ABCB1: variants seen among roughly 807,000 people sequenced by gnomAD.
ABCB1 encodes ATP binding cassette subfamily B member 1, also known as ATP-dependent translocase ABCB1.
In ABCB1, 69 loss-of-function variants were observed where a neutral mutation model predicts 142.0. The observed-to-expected ratio is 0.49, with a 90% CI of 0.40 to 0.59. The LOEUF (loss-of-function observed/expected upper bound fraction) is 0.59, where lower values mean the gene tolerates loss of function less well. Among genes scored for constraint, ABCB1 ranks in the 20% least tolerant of loss-of-function variants. The pLI, the probability that ABCB1 is intolerant of heterozygous loss-of-function variation, is 0.00. For missense variants in ABCB1, 1,326 were observed against 1,554.7 expected (o/e 0.85, Z 2.47); for synonymous variants, 532 against 539.2 (o/e 0.99, Z 0.18).
intron 1 of ABCB1, among the ~76,000 whole-genome samples, chr7:87,646,931 A>G (rs1469621691): frequency 6.6e-6 from 1 of 152,204 alleles, no homozygotes; most frequent in East Asian, 1.9e-4. Context: ...GTTACTTCCT[A>G]TATGTTATTT....
At chr7:87,528,098 T>A (rs984501275) in intron 21 of ABCB1, among the ~76,000 whole-genome samples, 11 of 152,222 alleles carry the variant, frequency 7.2e-5, no homozygotes, top group African/African-American at 2.4e-4. Context: ...ATCATGAGAA[T>A]AGCATGGGAA....
At chr7:87,546,589 T>A (rs1816794899) in intron 14 of ABCB1, among the ~76,000 whole-genome samples, 1 of 130,342 alleles carries the variant, frequency 7.7e-6, no homozygotes, top group African/African-American at 2.8e-5. Context: ...AAAATAATAA[T>A]AATCAGGGGC....
intron 26 of ABCB1, among the ~76,000 whole-genome samples, chr7:87,507,333 C>T (rs540749328): frequency 1.3e-5 from 2 of 152,186 alleles, no homozygotes; most frequent in East Asian, 1.9e-4. Context: ...TTTTATTAAC[C>T]CCTAGCCCAG....
intron 1 of ABCB1, among the ~76,000 whole-genome samples, chr7:87,628,123 G>C (rs181485665): frequency 6.9e-4 from 105 of 151,734 alleles, no homozygotes; most frequent in Admixed American, 1.3e-3. Context: ...CTACAGGCAA[G>C]GGGGGGGCAA....
chr7:87,703,199 C>T (rs1829249087), intron 1 of ABCB1, among the ~76,000 whole-genome samples: 1 of 152,106 alleles, frequency 6.6e-6, no homozygotes, highest in East Asian at 1.9e-4. Context: ...TAACAATTAT[C>T]TTTCCAAATT....
At chr7:87,652,551 G>A (rs757792135) in intron 1 of ABCB1, among the ~76,000 whole-genome samples, 4 of 150,294 alleles carry the variant, frequency 2.7e-5, no homozygotes, top group Non-Finnish European at 4.4e-5. Flanking sequence ...GATACAGTAC[G>A]AATTGTGTTA....
chr7:87,564,514 C>T (rs866542777), intron 7 of ABCB1, among the ~76,000 whole-genome samples: 1 of 152,248 alleles, frequency 6.6e-6, no homozygotes, highest in Middle Eastern at 3.4e-3. Context: ...AAAGAGGCTT[C>T]CTGGGCCAGG....
At position 87,541,348 on chromosome 7, in the gene ABCB1, A is replaced by T; in HGVS notation, c.2319+9T>A. On this transcript the variant is annotated intron_variant, in intron 18 of 27. Transcript: ENST00000622132. ...TCAAAATGAATATAGTGAAAATGGAAACATTTACCTGAAGGAAAAATGTAA... is the reference window on the plus strand; with the variant it reads ...TCAAAATGAATATAGTGAAAATGGATACATTTACCTGAAGGAAAAATGTAA... 6.8e-7 allele frequency: 1 copy of T among 1,471,888 alleles called. No individual in the cohort carries two copies. Among genetic ancestry groups the T allele is most frequent in the Non-Finnish European group, 9.5e-7 (1 of 1,051,110 alleles). 91.2% of individuals were successfully genotyped at this position (1,471,888 alleles called of 1,614,324 possible). A position where few individuals can be genotyped will look rare whatever the true frequency, so the allele number is the denominator to read the frequency against.
At chr7:87,576,336 G>A (rs1818273762) in intron 4 of ABCB1, among the ~76,000 whole-genome samples, 1 of 150,936 alleles carries the variant, frequency 6.6e-6, no homozygotes, top group South Asian at 2.1e-4. Context: ...TGTTGTATCT[G>A]CTATAACTTA....
At chr7:87,595,385 C>A (rs187471482) in intron 3 of ABCB1, among the ~76,000 whole-genome samples, 1 of 151,948 alleles carries the variant, frequency 6.6e-6, no homozygotes, top group Non-Finnish European at 1.5e-5. Context: ...ATAAATAATC[C>A]ATTGCTAACT....
chr7:87,663,697 G>A (rs999848235), intron 1 of ABCB1, among the ~76,000 whole-genome samples: 7 of 152,138 alleles, frequency 4.6e-5, no homozygotes, highest in African/African-American at 1.7e-4. Context: ...AATTCTCTGA[G>A]TGTTCTTAGA....
Position 87,654,207 on chromosome 7 carries a change from C to A in ABCB1, c.-330-53129G>T, listed in dbSNP as rs149515304. ...GAAATCTCCACCAAAATTTCAGGGT[C>A]ATTTTTCACAGAAATAAAAAAGACA... On this transcript the variant is annotated intron_variant, in intron 1 of 28. Transcript: ENST00000265724. Among the ~76,000 whole-genome samples, 1,080 of 152,006 alleles carry A rather than the reference C, an allele frequency of 7.1e-3. 33 individuals carry two copies. Among genetic ancestry groups the A allele is most frequent in the Admixed American group, 0.06 (921 of 15,238 alleles).
chr7:87,578,973 G>A (rs1432023230), intron 4 of ABCB1, among the ~76,000 whole-genome samples: 1 of 152,134 alleles, frequency 6.6e-6, no homozygotes, highest in African/African-American at 2.4e-5. Context: ...GATTACAGGC[G>A]TGAGCCACCG....
chr7:87,700,138 C>G (rs1036768483), intron 1 of ABCB1, among the ~76,000 whole-genome samples: 2 of 151,970 alleles, frequency 1.3e-5, no homozygotes, highest in African/African-American at 4.8e-5. Context: ...TGTTAAATGG[C>G]AAGATATTTC....
chr7:87,686,511 G>A (rs1281327580), intron 1 of ABCB1, among the ~76,000 whole-genome samples: 2 of 152,086 alleles, frequency 1.3e-5, no homozygotes, highest in Non-Finnish European at 2.9e-5. Context: ...CTGACTGGTA[G>A]GCCACATAGA....
intron 1 of ABCB1, among the ~76,000 whole-genome samples, chr7:87,695,849 G>T (rs1828450641): frequency 6.6e-6 from 1 of 152,082 alleles, no homozygotes; most frequent in South Asian, 2.1e-4. Context: ...ATATTGCAAA[G>T]TGTAAATAGA....
intron 1 of ABCB1, among the ~76,000 whole-genome samples, chr7:87,664,485 G>A (rs887536803): frequency 6.8e-4 from 103 of 152,252 alleles, no homozygotes; most frequent in African/African-American, 2.4e-3. Context: ...CATCAAAGCA[G>A]CCATTATAAC....
intron 1 of ABCB1, among the ~76,000 whole-genome samples, chr7:87,630,005 T>A (rs1287164553): frequency 1.3e-5 from 2 of 152,104 alleles, no homozygotes; most frequent in Non-Finnish European, 2.9e-5. Flanking sequence ...TTTCTTTAAG[T>A]CTTATATCTG....
intron 13 of ABCB1, 44 bp from the exon 14 acceptor site, chr7:87,549,562 T>G: frequency 6.2e-7 from 1 of 1,613,716 alleles, no homozygotes; most frequent in Non-Finnish European, 8.5e-7. Context: ...GGACAAGCTA[T>G]CTCAGCTCAT....
Sources: allele counts gnomAD v4.1 joint callset (sites outside exome capture counted in the v4.1 genomes callset), GRCh38; gene constraint gnomAD v4.1.1; transcripts MANE v1.5; gene names NCBI Gene and HGNC (gene_info 2026-07-23, HGNC 2026-07-21).